Variants in CALHM2 observed in about 807,000 individuals in gnomAD.
CALHM2 encodes calcium homeostasis modulator protein 2.
Under a neutral mutation model 20.4 loss-of-function variants are expected in CALHM2, and 18 were observed. That is an observed-to-expected ratio of 0.88 (90% CI 0.61 to 1.31). CALHM2 has a LOEUF of 1.31. CALHM2 is among the 50% of genes most tolerant of loss of function. The probability of loss-of-function intolerance (pLI) is 0.00; values close to 1 mark genes in which losing one functional copy is unlikely to be tolerated. For synonymous variants in CALHM2, 193 were observed against 192.1 expected (o/e 1.00, Z -0.04); for missense variants, 411 against 435.7 (o/e 0.94, Z 0.50).
At chr10:103,448,135 TTCTTTTTTCTTTG>T (rs2032761070) in intron 3 of CALHM2, among the ~76,000 whole-genome samples, 2 of 152,114 alleles carry the variant, frequency 1.3e-5, no homozygotes, top group Non-Finnish European at 1.5e-5. Flanking sequence ...ACGTTTCTTT[TTCTTTTTTCTTTG>T]TCTTTTTTTT....
chr10:103,452,047 G>A (rs1311983525), intron 1 of CALHM2, 109 bp downstream of exon 1: 2 of 152,358 alleles, frequency 1.3e-5, no homozygotes, highest in Admixed American at 6.5e-5. Context: ...CTGTTCAACC[G>A]GGTGGAGGGA....
chr10:103,447,612 C>T, intron 3 of CALHM2, 44 bp from the exon 4 acceptor site: 8 of 1,486,250 alleles, frequency 5.4e-6, no homozygotes, highest in Non-Finnish European at 7.2e-6. Flanking sequence ...GAGGAACTGC[C>T]TAAGCCCTAC....
chr10:103,447,172 T>C lies in CALHM2; in HGVS notation c.952A>G (p.Met318Val), dbSNP rs1199622257. The C allele has an allele frequency of 6.2e-7, 1 of 1,610,730 alleles. No homozygotes were observed. Among genetic ancestry groups the C allele is most frequent in the Non-Finnish European group, 8.5e-7 (1 of 1,177,688 alleles). Residue 318 changes from methionine to valine, a missense_variant, in exon 4 of 4, where the codon ATG becomes GTG. By Grantham distance (21) the Met-to-Val change is conservative. Coordinates refer to ENST00000260743, the MANE Select transcript of CALHM2 (RefSeq NM_015916.5). The part of the protein sequence containing the change: ...GNGAAPDNVE[M>V]ALLPS The stretch of plus-strand genomic sequence containing the variant: ...CCTCCTTAGGAGGGGAGCAGGGCCA[T>C]CTCCACGTTGTCAGGGGCCGCGCCG...
chr10:103,451,890 GGGT>G (rs559535789), intron 1 of CALHM2: 1 of 152,580 alleles, frequency 6.6e-6, no homozygotes, highest in South Asian at 2.1e-4. Context: ...TGCACAGGGT[GGGT>G]GGTGAGCAGA....
chr10:103,449,599 CAG>C lies in CALHM2; in HGVS notation c.341_342del (p.Pro114ArgfsTer12), dbSNP rs200457105. On this transcript the variant is annotated frameshift_variant, in exon 3 of 4. Transcript: ENST00000260743. LOFTEE classifies it high-confidence loss of function. ...AGCAGGGAGATGACAGACCAGGTGACAGGGGCCACAGCCGCACGTCCCAGGAT... is the reference window on the plus strand; with the variant it reads ...AGCAGGGAGATGACAGACCAGGTGACGGGCCACAGCCGCACGTCCCAGGAT... ...SSILGRAAVA[P>X]VTWSVISLLR... 0.012 allele frequency: 19,655 copies of C among 1,613,908 alleles called. 175 individuals carry two copies. Among genetic ancestry groups the C allele is most frequent in the Non-Finnish European group, 0.013 (15,754 of 1,180,030 alleles).
In CALHM2 at chr10:103,447,052, A is replaced by G; in HGVS notation, c.*100T>C. 1.6e-6 allele frequency: 2 copies of G among 1,278,222 alleles called. No individual in the cohort carries two copies. The highest frequency in any genetic ancestry group is 1.5e-5 in the African/African-American group (1 of 67,412). The allele number at this position is 1,278,222 out of a possible 1,614,324, so 79.2% of individuals were successfully genotyped here. Reference sequence around the variant, plus strand: ...CCTTTCCCCTGGCCAAGAAGATAACAGTTTTTTAAAAATCCCCTTCTGATA... The same window carrying G: ...CCTTTCCCCTGGCCAAGAAGATAACGGTTTTTTAAAAATCCCCTTCTGATA... On this transcript the variant is annotated 3_prime_UTR_variant, in exon 4 of 4. Transcript: ENST00000260743.
chr10:103,450,726 C>T (rs1209579044), intron 2 of CALHM2: 2 of 152,380 alleles, frequency 1.3e-5, no homozygotes, highest in Non-Finnish European at 2.9e-5. Flanking sequence ...TCTGATCACA[C>T]TTCATGACTG....
Position 103,447,028 on chromosome 10 carries a change from C to CT in CALHM2, c.*123dup, listed in dbSNP as rs1252231986. 3 of 1,092,796 alleles carry CT rather than the reference C, an allele frequency of 2.7e-6. No individual in the cohort carries two copies. The African/African-American group carries it at 4.7e-5, about 17-fold the overall frequency. The allele number at this position is 1,092,796 out of a possible 1,614,324, so 67.7% of individuals were successfully genotyped here. ...CCACACCCCAGATTGCCTTGTGGTC[C>CT]TTTCCCCTGGCCAAGAAGATAACAG... On this transcript the variant is annotated 3_prime_UTR_variant, in exon 4 of 4. Transcript: ENST00000260743.
chr10:103,449,283 C>A (rs1236842416), intron 3 of CALHM2, 104 bp downstream of exon 3: 12 of 990,610 alleles, frequency 1.2e-5, no homozygotes, highest in Admixed American at 1.7e-5. Context: ...TTCCCACAGA[C>A]CTCAGCCCCT....
chr10:103,451,441 G>A (rs2032980988), intron 1 of CALHM2, 156 bp from the exon 2 acceptor site: 1 of 152,684 alleles, frequency 6.5e-6, no homozygotes, highest in African/African-American at 2.4e-5. Flanking sequence ...GCCAGAGGAA[G>A]CCAGGGAGTG....
chr10:103,451,835 A>T (rs2033012367), intron 1 of CALHM2: 1 of 152,536 alleles, frequency 6.6e-6, no homozygotes, highest in Non-Finnish European at 1.5e-5. Flanking sequence ...CTCCCTGTGG[A>T]GGCCCTGGGT....
intron 3 of CALHM2, among the ~76,000 whole-genome samples, chr10:103,449,115 A>C (rs2133789492): frequency 6.6e-6 from 1 of 152,376 alleles, no homozygotes; most frequent in East Asian, 1.9e-4. Flanking sequence ...AGACTGAGCC[A>C]GAAGAATGTT....
rs1373046270 is a variant in CALHM2 at position 103,447,353 on chromosome 10, G to A, written c.771C>T (p.Asn257=). ...TGGCAATCAGTTCCTCATCATCCTTGTTGAGCGCCACAAAGCCAAAGAAGC... is the reference window on the plus strand; with the variant it reads ...TGGCAATCAGTTCCTCATCATCCTTATTGAGCGCCACAAAGCCAAAGAAGC... ...VRRFFGFVAL[N]KDDEELIANF... Residue 257 remains asparagine, a synonymous_variant, in exon 4 of 4, where the codon AAC becomes AAT. Transcript: ENST00000260743. 1.2e-6 allele frequency: 2 copies of A among 1,614,230 alleles called. No individual in the cohort carries two copies. The highest frequency in any genetic ancestry group is 2.2e-5 in the East Asian group (1 of 44,884).
In CALHM2 at chr10:103,447,192, G is replaced by A. The variant is rs374857676; in HGVS notation, c.932C>T (p.Ala311Val). The A allele has an allele frequency of 1.3e-4, 215 of 1,613,548 alleles. No individual in the cohort carries two copies. Among genetic ancestry groups the A allele is most frequent in the South Asian group, 2.0e-4 (18 of 91,048 alleles). Residue 311 changes from alanine to valine, a missense_variant, in exon 4 of 4, where the codon GCG becomes GTG. Ala to Val is a moderately conservative substitution (Grantham distance 64, BLOSUM62 0). Transcript: ENST00000260743. ...GGCCATCTCCACGTTGTCAGGGGCCGCGCCGTTGCCTGCCAGACCCTGGGC... is the reference window on the plus strand; with the variant it reads ...GGCCATCTCCACGTTGTCAGGGGCCACGCCGTTGCCTGCCAGACCCTGGGC... ...KWAQGLAGNGAAPDNVEMALL... is the reference protein window; with the variant it reads ...KWAQGLAGNGVAPDNVEMALL...
chr10:103,450,002 T>C lies in CALHM2; in HGVS notation c.-61A>G. On this transcript the variant is annotated 5_prime_UTR_variant, in exon 3 of 4. Transcript: ENST00000260743. ...AGGCAGGAGGAGACGGGATTGATGG[T>C]TGCTGGTGGTACTAGGAAGGGGCAC... 6.7e-7 allele frequency: 1 copy of C among 1,487,670 alleles called. No individual in the cohort carries two copies. 92.2% of individuals were successfully genotyped at this position (1,487,670 alleles called of 1,614,324 possible).
At chr10:103,448,801 G>C (rs1183874887) in intron 3 of CALHM2, among the ~76,000 whole-genome samples, 1 of 151,840 alleles carries the variant, frequency 6.6e-6, no homozygotes, top group African/African-American at 2.4e-5. Context: ...GTTAACACTT[G>C]CAGCTGAGAT....
Position 103,447,580 on chromosome 10 carries a change from A to C in CALHM2, c.556-12T>G. The C allele has an allele frequency of 1.3e-6, 2 of 1,578,074 alleles. No individual in the cohort carries two copies. Among genetic ancestry groups the C allele is most frequent in the Non-Finnish European group, 1.7e-6 (2 of 1,160,458 alleles). Reference sequence around the variant, plus strand: ...AGCCATCCAAAGAGCTGGCCAGAGAATGGGCACAGTTCAGGAGGGGCGAGG... The same window carrying C: ...AGCCATCCAAAGAGCTGGCCAGAGACTGGGCACAGTTCAGGAGGGGCGAGG... On this transcript the variant is annotated splice_polypyrimidine_tract_variant and intron_variant, in intron 3 of 3. Coordinates refer to ENST00000260743, the MANE Select transcript of CALHM2 (RefSeq NM_015916.5).
chr10:103,450,204 G>A (rs1023615055), intron 2 of CALHM2, 105 bp from the exon 3 acceptor site: 11 of 524,286 alleles, frequency 2.1e-5, no homozygotes, highest in Non-Finnish European at 3.4e-5. Flanking sequence ...AGGGCCCCAG[G>A]GAAGTGACAG....
chr10:103,449,636 A>C lies in CALHM2; in HGVS notation c.306T>G (p.Leu102=), dbSNP rs372446026. The change falls in exon 3 of 4, where the codon CTT becomes CTG. Residue 102 remains leucine, a synonymous_variant. Transcript: ENST00000260743. ...KNCSAAPTFL[L]LSSILGRAAV... ...CCGCACGTCCCAGGATGGAGCTTAGAAGGAGGAAGGTGGGGGCGGCGGAGC... is the reference window on the plus strand; with the variant it reads ...CCGCACGTCCCAGGATGGAGCTTAGCAGGAGGAAGGTGGGGGCGGCGGAGC... 1.9e-6 allele frequency: 3 copies of C among 1,613,860 alleles called. No individual in the cohort carries two copies. The South Asian group carries it at 3.3e-5, about 18-fold the overall frequency.
Sources: allele counts gnomAD v4.1 joint callset (sites outside exome capture counted in the v4.1 genomes callset), GRCh38; gene constraint gnomAD v4.1.1; transcripts MANE v1.5; gene names NCBI Gene and HGNC (gene_info 2026-07-23, HGNC 2026-07-21).